PDIA4: variants seen among roughly 807,000 people sequenced by gnomAD.
The protein encoded by PDIA4 is protein disulfide-isomerase A4.
In PDIA4, 33 loss-of-function variants were observed where a neutral mutation model predicts 62.1. The ratio of observed to expected loss-of-function variants is 0.53; its 90% CI spans 0.40 to 0.71. The LOEUF (loss-of-function observed/expected upper bound fraction) is 0.71. Ranked by LOEUF, PDIA4 falls within the 30% of genes least tolerant of loss-of-function variation. The pLI, the probability that PDIA4 is intolerant of heterozygous loss-of-function variation, is 0.00. For synonymous variants in PDIA4, 341 were observed against 324.1 expected (o/e 1.05, Z -0.56); for missense variants, 804 against 813.6 (o/e 0.99, Z 0.14).
chr7:149,025,040 A>T (rs905527070), intron 1 of PDIA4, among the ~76,000 whole-genome samples: 1 of 137,760 alleles, frequency 7.3e-6, no homozygotes, highest in Non-Finnish European at 1.5e-5. Context: ...ATTGCACTCC[A>T]GCCTGGACAA....
chr7:149,017,946 T>C (rs553719993), intron 3 of PDIA4, among the ~76,000 whole-genome samples: 3 of 152,198 alleles, frequency 2.0e-5, no homozygotes, highest in African/African-American at 7.2e-5. Flanking sequence ...ATGCAAATTA[T>C]TGGGCGGGCG....
chr7:149,028,044 C>T, intron 1 of PDIA4: 1 of 633,602 alleles, frequency 1.6e-6, no homozygotes, highest in Non-Finnish European at 3.0e-6. Context: ...CTGCAGCCCT[C>T]TCCCAGCCTC....
In PDIA4 at chr7:149,003,674, TAA is replaced by T. The variant is rs762007812; in HGVS notation, c.*118_*119del. 5.3e-3 allele frequency: 2,801 copies of T among 531,748 alleles called. No homozygotes were observed. Among genetic ancestry groups the T allele is most frequent in the South Asian group, 7.4e-3 (165 of 22,396 alleles). The allele number at this position is 531,748 out of a possible 1,614,324, so 32.9% of individuals were successfully genotyped here. The stretch of plus-strand genomic sequence containing the variant: ...AGTGAAACACCAAAGTATAAAAAAT[TAA>T]AAAAAAAAAAAAAGGAATCCGAGAT... On this transcript the variant is annotated 3_prime_UTR_variant, in exon 10 of 10. Transcript: ENST00000652332.
chr7:149,016,244 G>A (rs1260324123), intron 3 of PDIA4, among the ~76,000 whole-genome samples: 1 of 152,214 alleles, frequency 6.6e-6, no homozygotes, highest in African/African-American at 2.4e-5. Context: ...TGTTCGGTGA[G>A]CCAAGATTGC....
At chr7:149,008,125 G>A (rs1320391573) in intron 7 of PDIA4, 34 bp downstream of exon 7, 2 of 1,603,006 alleles carry the variant, frequency 1.2e-6, no homozygotes, top group Non-Finnish European at 1.7e-6. Flanking sequence ...CCTGCGGGGT[G>A]TCCAGGGCTG....
At chr7:149,005,594 C>G (rs141635283) in intron 8 of PDIA4, among the ~76,000 whole-genome samples, 5 of 152,232 alleles carry the variant, frequency 3.3e-5, no homozygotes, top group African/African-American at 9.6e-5. Context: ...CCAGGTGGCA[C>G]GGCCACGCCT....
intron 3 of PDIA4, among the ~76,000 whole-genome samples, chr7:149,018,015 G>A (rs1385904587): frequency 6.6e-6 from 1 of 152,184 alleles, no homozygotes; most frequent in South Asian, 2.1e-4. Flanking sequence ...GGATCACGAG[G>A]TCAGGAGATC....
At position 149,006,007 on chromosome 7, in the gene PDIA4, G is replaced by A. The variant is rs1823743569; in HGVS notation, c.1178C>T (p.Ala393Val). 2 of 1,555,206 alleles carry A rather than the reference G, an allele frequency of 1.3e-6. No individual in the cohort carries two copies. Among genetic ancestry groups the A allele is most frequent in the Middle Eastern group, 1.7e-4 (1 of 5,896 alleles). Residue 393 changes from alanine (A) to valine (V), a missense_variant, in exon 8 of 10, where the codon GCC becomes GTC. Coordinates refer to ENST00000652332, the MANE Select transcript of PDIA4 (RefSeq NM_004911.5). The part of the protein sequence containing the change: ...SAIKDFVLKY[A>V]LPLVGHRKVS... ...CTTGCGGTGGCCAACCAGGGGCAGGGCGTACTTCAGCACGAAGTCCTTGAT... is the reference window on the plus strand; with the variant it reads ...CTTGCGGTGGCCAACCAGGGGCAGGACGTACTTCAGCACGAAGTCCTTGAT...
chr7:149,012,130 G>A (rs758147565), intron 5 of PDIA4, 25 bp downstream of exon 5: 44 of 1,611,344 alleles, frequency 2.7e-5, no homozygotes, highest in Non-Finnish European at 3.4e-5. Flanking sequence ...CCCCACTGTA[G>A]TGGGAGAGAA....
In PDIA4 at chr7:149,003,863, A is replaced by G. The variant is rs781287368; in HGVS notation, c.1869T>C (p.Asp623=). 1.2e-6 allele frequency: 2 copies of G among 1,609,968 alleles called. No homozygotes were observed. Among genetic ancestry groups the G allele is most frequent in the Admixed American group, 3.4e-5 (2 of 59,066 alleles). Residue 623 remains aspartate (D), a synonymous_variant, in exon 10 of 10, where the codon GAT becomes GAC. Coordinates refer to ENST00000652332, the MANE Select transcript of PDIA4 (RefSeq NM_004911.5). ...NPVKFEGGDR[D]LEHLSKFIEE... is the part of the protein sequence containing the mutation. ...CTATAAACTTGCTCAAATGCTCCAG[A>G]TCTCTGTCTCCACCCTCAAATTTAA...
chr7:149,011,566 C>A (rs112789603), intron 6 of PDIA4, among the ~76,000 whole-genome samples: 97 of 152,294 alleles, frequency 6.4e-4, no homozygotes, highest in African/African-American at 2.3e-3. Context: ...AGGCCGGCAC[C>A]TTATGGCCTG....
intron 8 of PDIA4, 123 bp downstream of exon 8, chr7:149,005,774 C>T: frequency 1.3e-6 from 1 of 756,460 alleles, no homozygotes; most frequent in Non-Finnish European, 2.0e-6. Flanking sequence ...GCAAGGGCCC[C>T]AGGCTGGGAT....
intron 1 of PDIA4, among the ~76,000 whole-genome samples, chr7:149,021,977 T>A (rs1005462778): frequency 6.6e-6 from 1 of 152,186 alleles, no homozygotes; most frequent in African/African-American, 2.4e-5. Context: ...CTCACTGATG[T>A]GCCGCCTCCT....
At chr7:149,010,430 G>T (rs561917660) in intron 6 of PDIA4, among the ~76,000 whole-genome samples, 5 of 151,946 alleles carry the variant, frequency 3.3e-5, no homozygotes, top group African/African-American at 9.7e-5. Context: ...GGAGGTCAAG[G>T]CTGCAGTGAG....
At chr7:149,014,802 C>T in intron 4 of PDIA4, 102 bp downstream of exon 4, 2 of 1,128,742 alleles carry the variant, frequency 1.8e-6, no homozygotes. Context: ...CTCGTGCCCA[C>T]CTTGCTCCTC....
intron 4 of PDIA4, among the ~76,000 whole-genome samples, chr7:149,014,689 A>G (rs1434005480): frequency 6.6e-6 from 1 of 152,140 alleles, no homozygotes; most frequent in African/African-American, 2.4e-5. Context: ...TCTCCCACCC[A>G]AGAATGGACT....
At chr7:149,028,261 C>G in intron 1 of PDIA4, 60 bp downstream of exon 1, 1 of 1,307,172 alleles carries the variant, frequency 7.7e-7, no homozygotes, top group South Asian at 1.3e-5. Flanking sequence ...GGCCCAGGCC[C>G]CCGCACAGCT....
In PDIA4 at chr7:149,003,371, AAC is replaced by A. The variant is rs1823609060; in HGVS notation, c.*421_*422del. ...TTGTGCTCAACAGGAAGCAATCAGAAACACATACCAGAAGCCAAATCTACGCC... is the reference window on the plus strand; with the variant it reads ...TTGTGCTCAACAGGAAGCAATCAGAAACATACCAGAAGCCAAATCTACGCC... On this transcript the variant is annotated 3_prime_UTR_variant, in exon 10 of 10. Coordinates refer to ENST00000652332, the MANE Select transcript of PDIA4 (RefSeq NM_004911.5). 6.5e-6 allele frequency: 1 copy of A among 153,302 alleles called. No homozygotes were observed. Among genetic ancestry groups the A allele is most frequent in the Non-Finnish European group, 1.5e-5 (1 of 68,802 alleles). 9.5% of individuals were successfully genotyped at this position (153,302 alleles called of 1,614,324 possible). A position where few individuals can be genotyped will look rare whatever the true frequency, so the allele number is the denominator to read the frequency against.
chr7:149,024,464 G>C (rs1374144698), intron 1 of PDIA4, among the ~76,000 whole-genome samples: 5 of 152,026 alleles, frequency 3.3e-5, no homozygotes, highest in Admixed American at 6.6e-5. Context: ...ACATTTTAGT[G>C]GGGGAACACT....
Sources: allele counts gnomAD v4.1 joint callset (sites outside exome capture counted in the v4.1 genomes callset), GRCh38; gene constraint gnomAD v4.1.1; transcripts MANE v1.5; gene names NCBI Gene and HGNC (gene_info 2026-07-23, HGNC 2026-07-21).